Variants in FOXO1 observed in about 807,000 individuals in gnomAD.
FOXO1 encodes forkhead box O1.
A neutral mutation model predicts 44.1 loss-of-function variants in FOXO1; 6 were observed. The observed-to-expected ratio is 0.14, with a 90% CI of 0.07 to 0.27. FOXO1 has a LOEUF of 0.27. Ranked by LOEUF, FOXO1 falls within the 10% of genes least tolerant of loss-of-function variation. The probability of loss-of-function intolerance (pLI) is 1.00; values close to 1 mark genes in which losing one functional copy is unlikely to be tolerated. For synonymous variants in FOXO1, 380 were observed against 362.7 expected, an observed-to-expected ratio of 1.05 and a Z score of -0.54; for missense variants, 737 against 888.8, an observed-to-expected ratio of 0.83 and a Z score of 2.17.
At chr13:40,649,096 T>C (rs879520819) in intron 1 of FOXO1, among the ~76,000 whole-genome samples, 76 of 152,300 alleles carry the variant, frequency 5.0e-4, no homozygotes, top group African/African-American at 1.7e-3. Context: ...TAAGGTTTAA[T>C]AAAAGTCAAT....
At chr13:40,632,001 G>T (rs749825731) in intron 1 of FOXO1, among the ~76,000 whole-genome samples, 32 of 152,236 alleles carry the variant, frequency 2.1e-4, no homozygotes, top group Non-Finnish European at 4.0e-4. Flanking sequence ...GCAGGGCATG[G>T]TGGCTCATGA....
intron 1 of FOXO1, among the ~76,000 whole-genome samples, chr13:40,660,126 A>C (rs1213755158): frequency 1.3e-5 from 2 of 152,216 alleles, no homozygotes; most frequent in Non-Finnish European, 2.9e-5. Flanking sequence ...AGAATTCTTT[A>C]TGTACCAAGA....
At chr13:40,602,959 A>G (rs1875862890) in intron 1 of FOXO1, among the ~76,000 whole-genome samples, 1 of 152,180 alleles carries the variant, frequency 6.6e-6, no homozygotes, top group African/African-American at 2.4e-5. Context: ...TTCATGTAGG[A>G]TGAGTGATGG....
At chr13:40,607,562 T>C (rs1025277506) in intron 1 of FOXO1, among the ~76,000 whole-genome samples, 5 of 152,144 alleles carry the variant, frequency 3.3e-5, no homozygotes, top group Non-Finnish European at 7.4e-5. Context: ...ATCAGGGAGC[T>C]TAAAGCCTAT....
chr13:40,618,966 AAC>A (rs1415568678), intron 1 of FOXO1: 1 of 523,816 alleles, frequency 1.9e-6, no homozygotes, highest in African/African-American at 1.9e-5. Context: ...GTCAACAAAC[AAC>A]TAGCATCTCA....
intron 1 of FOXO1, among the ~76,000 whole-genome samples, chr13:40,637,258 C>T (rs562051738): frequency 3.3e-5 from 5 of 152,142 alleles, no homozygotes; most frequent in East Asian, 1.9e-4. Flanking sequence ...TCCTGGCTAA[C>T]ACGGTGAAAC....
intron 1 of FOXO1, among the ~76,000 whole-genome samples, chr13:40,665,304 C>T (rs907438297): frequency 4.6e-5 from 7 of 152,184 alleles, no homozygotes; most frequent in African/African-American, 1.7e-4. Flanking sequence ...ACTTTTCGGC[C>T]TCGCTCTGAC....
At chr13:40,585,954 T>C (rs755611938) in intron 1 of FOXO1, among the ~76,000 whole-genome samples, 8 of 152,200 alleles carry the variant, frequency 5.3e-5, no homozygotes, top group Non-Finnish European at 1.0e-4. Context: ...GCCCAAATCA[T>C]TGTGTGTTCA....
intron 1 of FOXO1, among the ~76,000 whole-genome samples, chr13:40,621,998 A>G (rs981041794): frequency 9.8e-5 from 15 of 152,350 alleles, no homozygotes; most frequent in African/African-American, 3.6e-4. Flanking sequence ...GGATTCGGAT[A>G]TAATTTTAAT....
chr13:40,562,242 A>G (rs1362279620), intron 1 of FOXO1, among the ~76,000 whole-genome samples: 1 of 152,194 alleles, frequency 6.6e-6, no homozygotes, highest in African/African-American at 2.4e-5. Context: ...ACACTGTCCA[A>G]ACAGACAACC....
At chr13:40,618,925 A>T in intron 1 of FOXO1, 1 of 526,742 alleles carries the variant, frequency 1.9e-6, no homozygotes, top group South Asian at 1.4e-5. Context: ...GAGAAATAAC[A>T]TCAGAAGAAC....
chr13:40,573,080 A>T (rs1174715502), intron 1 of FOXO1, among the ~76,000 whole-genome samples: 1 of 152,172 alleles, frequency 6.6e-6, no homozygotes, highest in African/African-American at 2.4e-5. Flanking sequence ...CCATCAGCAC[A>T]CACCTAACAT....
Position 40,559,809 on chromosome 13 carries a change from G to T in FOXO1, c.1682C>A (p.Pro561His). ...GGGGTGGGGCAGAGGCACTTGTACAGGTGTCTTCACTTGGGTCAGGCGGTT... is the reference window on the plus strand; with the variant it reads ...GGGGTGGGGCAGAGGCACTTGTACATGTGTCTTCACTTGGGTCAGGCGGTT... ...GMNRLTQVKT[P>H]VQVPLPHPMQ... The change falls in exon 2 of 3, where the codon CCT becomes CAT. Residue 561 changes from proline (P) to histidine (H), a missense_variant. Coordinates refer to ENST00000379561, the MANE Select transcript of FOXO1 (RefSeq NM_002015.4). 6.2e-7 allele frequency: 1 copy of T among 1,614,060 alleles called. No homozygotes were observed. The highest frequency in any genetic ancestry group is 8.5e-7 in the Non-Finnish European group (1 of 1,179,972).
At chr13:40,620,799 C>CTTTTTTTTTTTTTTTTTT (rs111991105) in intron 1 of FOXO1, among the ~76,000 whole-genome samples, 1 of 121,232 alleles carries the variant, frequency 8.2e-6, no homozygotes, top group Non-Finnish European at 1.7e-5. Flanking sequence ...CTTCCCCTTG[C>CTTTTTTTTTTTTTTTTTT]TTTTTTTTTT....
intron 1 of FOXO1, among the ~76,000 whole-genome samples, chr13:40,616,694 T>G (rs1268999796): frequency 6.6e-6 from 1 of 152,094 alleles, no homozygotes; most frequent in Non-Finnish European, 1.5e-5. Flanking sequence ...GGAGACGAAG[T>G]TGTGTTTCTC....
chr13:40,598,980 G>GT (rs1223096741), intron 1 of FOXO1, among the ~76,000 whole-genome samples: 2 of 152,086 alleles, frequency 1.3e-5, no homozygotes, highest in Non-Finnish European at 2.9e-5. Flanking sequence ...AATAAATCTT[G>GT]TTTGTTGTAT....
At chr13:40,572,857 C>T (rs1157151457) in intron 1 of FOXO1, among the ~76,000 whole-genome samples, 1 of 152,196 alleles carries the variant, frequency 6.6e-6, no homozygotes. Flanking sequence ...AACAGCCCTG[C>T]TGTCCACACC....
At chr13:40,613,627 A>G (rs1371633722) in intron 1 of FOXO1, among the ~76,000 whole-genome samples, 4 of 152,096 alleles carry the variant, frequency 2.6e-5, no homozygotes, top group Non-Finnish European at 5.9e-5. Context: ...AGGCACTACG[A>G]ATTTGAATTT....
At chr13:40,635,974 C>G (rs1593409302) in intron 1 of FOXO1, among the ~76,000 whole-genome samples, 1 of 152,210 alleles carries the variant, frequency 6.6e-6, no homozygotes, top group South Asian at 2.1e-4. Flanking sequence ...CTTTGGGAGG[C>G]TGAGGCAGGC....
Sources: gnomAD v4.1 joint callset for allele counts (sites outside exome capture counted in the v4.1 genomes callset) on GRCh38, gnomAD v4.1.1 for gene constraint, MANE v1.5 for transcripts, NCBI Gene and HGNC (gene_info 2026-07-23, HGNC 2026-07-21) for gene names.